The following ZFHX3 variants were observed in gnomAD, a reference collection of about 807,000 sequenced individuals.
The protein encoded by ZFHX3 is zinc finger homeobox protein 3.
ZFHX3 carries 42 observed loss-of-function variants against 279.1 expected under a neutral mutation model. The observed-to-expected ratio is 0.15, with a 90% CI of 0.12 to 0.19. ZFHX3 has a LOEUF of 0.19. Among genes scored for constraint, ZFHX3 ranks in the 10% least tolerant of loss-of-function variants. ZFHX3 has a pLI of 1.00. For missense variants in ZFHX3, 4,981 were observed against 4,754.0 expected (o/e 1.05, Z -1.40); for synonymous variants, 2,293 against 1,957.8 (o/e 1.17, Z -4.52).
chr16:73,346,977 G>T (rs1249389475), intron 3 of ZFHX3, among the ~76,000 whole-genome samples: 1 of 152,136 alleles, frequency 6.6e-6, no homozygotes, highest in African/African-American at 2.4e-5. Flanking sequence ...AAGGAGGTAT[G>T]GTCATTCCTG....
intron 2 of ZFHX3, among the ~76,000 whole-genome samples, chr16:73,536,453 T>G (rs1238547979): frequency 6.6e-6 from 1 of 152,228 alleles, no homozygotes; most frequent in African/African-American, 2.4e-5. Context: ...TCATTATTCT[T>G]GCTGCAACAG....
intron 1 of ZFHX3, among the ~76,000 whole-genome samples, chr16:73,821,999 G>A (rs1960757080): frequency 6.6e-6 from 1 of 152,086 alleles, no homozygotes; most frequent in African/African-American, 2.4e-5. Flanking sequence ...CTCTACATTT[G>A]CCTTTGAGCA....
intron 1 of ZFHX3, among the ~76,000 whole-genome samples, chr16:72,982,268 T>A (rs1293280963): frequency 2.0e-5 from 3 of 152,136 alleles, no homozygotes; most frequent in Non-Finnish European, 4.4e-5. Context: ...TTTACAGGTT[T>A]AAAAAAATAA....
At chr16:73,105,384 C>CACACATATATAT (rs1966286244) in intron 7 of ZFHX3, among the ~76,000 whole-genome samples, 1 of 43,134 alleles carries the variant, frequency 2.3e-5, no homozygotes, top group Non-Finnish European at 6.0e-5. Flanking sequence ...TATATATATA[C>CACACATATATAT]ACACACACAC....
At chr16:73,004,513 C>A (rs1034620325) in intron 1 of ZFHX3, among the ~76,000 whole-genome samples, 2 of 151,584 alleles carry the variant, frequency 1.3e-5, no homozygotes, top group Admixed American at 1.3e-4. Flanking sequence ...GGGGTTTCCC[C>A]ATGTTGGCCA....
chr16:72,986,820 G>A (rs192736692), intron 1 of ZFHX3, among the ~76,000 whole-genome samples: 52 of 152,240 alleles, frequency 3.4e-4, no homozygotes, highest in African/African-American at 1.2e-3. Flanking sequence ...CAAATATACC[G>A]AAGGTGTGTT....
At position 72,787,719 on chromosome 16, in the gene ZFHX3, A is replaced by ACCGCCGCCG. The variant is rs751575363; in HGVS notation, c.10548_10556dup (p.Gly3525_Gly3527dup). ...AGCCGCCGCCGCCGCCGCCGCCGCC[A>ACCGCCGCCG]CCGCCGCCGCCGCCGCCACTGCCAC... On this transcript the variant is annotated inframe_insertion, in exon 10 of 10. Transcript: ENST00000268489. 1.2e-4 allele frequency: 150 copies of ACCGCCGCCG among 1,297,354 alleles called. No individual in the cohort carries two copies. The highest frequency in any genetic ancestry group is 7.6e-4 in the East Asian group (24 of 31,770). 80.4% of individuals were successfully genotyped at this position (1,297,354 alleles called of 1,614,324 possible). A position where few individuals can be genotyped will look rare whatever the true frequency, so the allele number is the denominator to read the frequency against.
At chr16:73,307,473 G>A (rs1250687575) in intron 4 of ZFHX3, among the ~76,000 whole-genome samples, 2 of 152,216 alleles carry the variant, frequency 1.3e-5, no homozygotes, top group Non-Finnish European at 2.9e-5. Flanking sequence ...TCTGAAACGG[G>A]AAAAACTGCT....
At chr16:73,157,184 C>G (rs1248214703) in intron 5 of ZFHX3, among the ~76,000 whole-genome samples, 1 of 152,122 alleles carries the variant, frequency 6.6e-6, no homozygotes, top group Non-Finnish European at 1.5e-5. Flanking sequence ...GGGCTGTCTC[C>G]TTTAGTTCCC....
At chr16:73,602,664 C>A (rs1038123592) in intron 2 of ZFHX3, among the ~76,000 whole-genome samples, 14 of 152,014 alleles carry the variant, frequency 9.2e-5, no homozygotes, top group African/African-American at 3.4e-4. Context: ...ATTATCATCT[C>A]GGCTAGGCGC....
At chr16:73,692,867 C>T in intron 1 of ZFHX3, among the ~76,000 whole-genome samples, 1 of 152,292 alleles carries the variant, frequency 6.6e-6, no homozygotes, top group South Asian at 2.1e-4. Flanking sequence ...AGAGGAGCCA[C>T]CAGAGCTCCG....
At chr16:73,492,075 C>A (rs1162146010) in intron 2 of ZFHX3, among the ~76,000 whole-genome samples, 1 of 152,198 alleles carries the variant, frequency 6.6e-6, no homozygotes, top group African/African-American at 2.4e-5. Context: ...ATGCTACATA[C>A]CTATGCAGCT....
intron 7 of ZFHX3, chr16:72,806,969 C>T (rs2036285146): frequency 6.6e-6 from 1 of 152,134 alleles, no homozygotes; most frequent in African/African-American, 2.4e-5. Context: ...CTTCAGGATC[C>T]CAGTGGTGTG....
chr16:73,230,742 A>C (rs779951411), intron 5 of ZFHX3, among the ~76,000 whole-genome samples: 3 of 152,194 alleles, frequency 2.0e-5, no homozygotes, highest in Non-Finnish European at 4.4e-5. Flanking sequence ...TACTGTGATG[A>C]GTAGGGGCAC....
chr16:73,376,273 TAC>T (rs1284938495), intron 3 of ZFHX3, among the ~76,000 whole-genome samples: 2 of 152,230 alleles, frequency 1.3e-5, no homozygotes, highest in African/African-American at 2.4e-5. Context: ...ATTGCTGAAG[TAC>T]AGTTTTAAAT....
chr16:73,294,781 C>T (rs8044368), intron 4 of ZFHX3, among the ~76,000 whole-genome samples: 77,073 of 149,588 alleles, frequency 0.52, 20,426 homozygotes, highest in African/African-American at 0.65. Context: ...CACTGCACTC[C>T]GGCCTGGGCA....
intron 2 of ZFHX3, among the ~76,000 whole-genome samples, chr16:73,531,224 G>T (rs531714184): frequency 6.6e-6 from 1 of 152,102 alleles, no homozygotes; most frequent in Non-Finnish European, 1.5e-5. Context: ...CCTCAGTGCC[G>T]CTAAATATAT....
At chr16:73,108,907 G>A (rs1271417791) in intron 7 of ZFHX3, among the ~76,000 whole-genome samples, 1 of 152,234 alleles carries the variant, frequency 6.6e-6, no homozygotes, top group African/African-American at 2.4e-5. Flanking sequence ...GGCCGTTATG[G>A]GGCTGGAAAC....
chr16:73,267,565 G>A (rs1047409658), intron 4 of ZFHX3, among the ~76,000 whole-genome samples: 9 of 152,104 alleles, frequency 5.9e-5, no homozygotes, highest in South Asian at 2.1e-4. Flanking sequence ...AATGACATCC[G>A]GTGGTGGTTT....
Sources: gnomAD v4.1 joint callset for allele counts (sites outside exome capture counted in the v4.1 genomes callset) on GRCh38, gnomAD v4.1.1 for gene constraint, MANE v1.5 for transcripts, NCBI Gene and HGNC (gene_info 2026-07-23, HGNC 2026-07-21) for gene names.